The following CLEC3B variants were observed in gnomAD, a reference collection of about 807,000 sequenced individuals.
CLEC3B encodes tetranectin.
A neutral mutation model predicts 15.4 loss-of-function variants in CLEC3B; 13 were observed. The ratio of observed to expected loss-of-function variants is 0.84; its 90% CI spans 0.55 to 1.34. The LOEUF is 1.34. CLEC3B is among the 40% of genes most tolerant of loss of function. CLEC3B has a pLI of 0.00. For missense variants in CLEC3B, 242 were observed against 268.6 expected (o/e 0.90, Z 0.69); for synonymous variants, 112 against 114.7 (o/e 0.98, Z 0.15).
At chr3:45,034,627 A>G (rs1697612036) in intron 2 of CLEC3B, 1 of 152,254 alleles carries the variant, frequency 6.6e-6, no homozygotes, top group African/African-American at 2.4e-5. Context: ...CTGAAAATGC[A>G]AACTGCAAAA....
chr3:45,029,684 G>A (rs1381980659), intron 1 of CLEC3B, among the ~76,000 whole-genome samples: 1 of 152,182 alleles, frequency 6.6e-6, no homozygotes, highest in African/African-American at 2.4e-5. Context: ...CAGCCAAATG[G>A]ACCATTAAAG....
chr3:45,033,522 C>T (rs1276172896), intron 2 of CLEC3B, among the ~76,000 whole-genome samples: 3 of 152,182 alleles, frequency 2.0e-5, no homozygotes, highest in Non-Finnish European at 4.4e-5. Context: ...CCACCTGGTA[C>T]ATCTCTGCCA....
intron 2 of CLEC3B, among the ~76,000 whole-genome samples, chr3:45,034,013 G>C (rs1256763944): frequency 6.6e-6 from 1 of 152,196 alleles, no homozygotes; most frequent in Non-Finnish European, 1.5e-5. Context: ...CTTCGGCACT[G>C]TCCTGAGTCG....
chr3:45,028,749 C>T (rs1451409181), intron 1 of CLEC3B, among the ~76,000 whole-genome samples: 3 of 151,898 alleles, frequency 2.0e-5, no homozygotes, highest in Admixed American at 6.6e-5. Flanking sequence ...CCCAAAAGTA[C>T]GGGAGAAAGT....
intron 2 of CLEC3B, among the ~76,000 whole-genome samples, chr3:45,034,230 G>A (rs1180065285): frequency 1.3e-5 from 2 of 152,208 alleles, no homozygotes; most frequent in African/African-American, 4.8e-5. Flanking sequence ...TTACCAGCAG[G>A]AAGGAAAGGC....
chr3:45,031,579 A>G (rs1193433254), intron 2 of CLEC3B, among the ~76,000 whole-genome samples: 2 of 152,210 alleles, frequency 1.3e-5, no homozygotes, highest in African/African-American at 4.8e-5. Context: ...CCCAGTGCCA[A>G]GCTGGGCCTT....
chr3:45,030,877 CT>C lies in CLEC3B; in HGVS notation c.161del (p.Leu54ArgfsTer8). ...GGAGCTCAAGAGCCGTCTGGACACC[CT>C]GGCCCAGGAGGTGGCCCTGCTGAAG... ...FEELKSRLDT[L>X]AQEVALLKEQ... On this transcript the variant is annotated frameshift_variant, in exon 2 of 3. Coordinates refer to ENST00000296130, the MANE Select transcript of CLEC3B (RefSeq NM_003278.3). LOFTEE classifies it low-confidence loss of function (END_TRUNC). The C allele has an allele frequency of 6.3e-7, 1 of 1,595,410 alleles. No homozygotes were observed. The highest frequency in any genetic ancestry group is 8.5e-7 in the Non-Finnish European group (1 of 1,170,924).
At chr3:45,030,189 C>G (rs1380026457) in intron 1 of CLEC3B, 1 of 985,780 alleles carries the variant, frequency 1.0e-6, no homozygotes, top group Admixed American at 6.1e-5. Context: ...TCCTTCTGCC[C>G]TCATCTTATT....
intron 2 of CLEC3B, among the ~76,000 whole-genome samples, chr3:45,032,255 C>T (rs1381065010): frequency 1.3e-5 from 2 of 152,144 alleles, no homozygotes; most frequent in African/African-American, 2.4e-5. Context: ...TGGTTTTACA[C>T]ACTCCCTCCC....
At position 45,030,907 on chromosome 3, in the gene CLEC3B, C is replaced by G. The variant is rs1420097107; in HGVS notation, c.190C>G (p.Gln64Glu). ...LAQEVALLKE[Q>E]QALQTVCLKG... ...CCAGGAGGTGGCCCTGCTGAAGGAGCAGCAGGCCCTGCAGACGGGTGAGTG... is the reference window on the plus strand; with the variant it reads ...CCAGGAGGTGGCCCTGCTGAAGGAGGAGCAGGCCCTGCAGACGGGTGAGTG... The change falls in exon 2 of 3, where the codon CAG (glutamine) becomes GAG (glutamate). Residue 64 changes from glutamine (Q) to glutamate (E), a missense_variant. Transcript: ENST00000296130. 3 of 1,581,592 alleles carry G rather than the reference C, an allele frequency of 1.9e-6. No individual in the cohort carries two copies. Among genetic ancestry groups the G allele is most frequent in the Non-Finnish European group, 2.6e-6 (3 of 1,163,516 alleles).
At chr3:45,030,036 G>A in intron 1 of CLEC3B, 1 of 444,416 alleles carries the variant, frequency 2.3e-6, no homozygotes, top group Non-Finnish European at 3.0e-6. Context: ...AGGGCAGCCT[G>A]GGTTTCCTCA....
chr3:45,029,217 C>T (rs189544246), intron 1 of CLEC3B, among the ~76,000 whole-genome samples: 1 of 152,358 alleles, frequency 6.6e-6, no homozygotes, highest in African/African-American at 2.4e-5. Flanking sequence ...CACATATGGG[C>T]ACCTTGGTGC....
At chr3:45,029,656 G>T (rs1271439297) in intron 1 of CLEC3B, among the ~76,000 whole-genome samples, 1 of 152,208 alleles carries the variant, frequency 6.6e-6, no homozygotes, top group Non-Finnish European at 1.5e-5. Context: ...CTTTGTGAGT[G>T]TGGAATGTAT....
chr3:45,035,916 A>G lies in CLEC3B; in HGVS notation c.601A>G (p.Ile201Val). ...GCTGCCCTACATCTGCCAGTTCGGG[A>G]TCGTGTAGCCGGCGGGGCGGGGGCC... is the stretch of plus-strand genomic sequence containing the variant. ...DQLPYICQFG[I>V]V is the part of the protein sequence containing the mutation. Residue 201 changes from isoleucine to valine, a missense_variant, in exon 3 of 3, where the codon ATC becomes GTC. Ile to Val is a conservative substitution (Grantham distance 29, BLOSUM62 3). Transcript: ENST00000296130. 1.3e-6 allele frequency: 2 copies of G among 1,582,020 alleles called. No individual in the cohort carries two copies. Among genetic ancestry groups the G allele is most frequent in the Non-Finnish European group, 1.7e-6 (2 of 1,161,036 alleles).
At chr3:45,033,357 T>C (rs1436991943) in intron 2 of CLEC3B, among the ~76,000 whole-genome samples, 3 of 152,206 alleles carry the variant, frequency 2.0e-5, no homozygotes, top group African/African-American at 7.2e-5. Flanking sequence ...GCTGGGCTTC[T>C]TGGGGCCTTC....
intron 2 of CLEC3B, among the ~76,000 whole-genome samples, chr3:45,033,009 C>T (rs1368258675): frequency 6.6e-6 from 1 of 152,194 alleles, no homozygotes; most frequent in African/African-American, 2.4e-5. Flanking sequence ...TTAAGAACAT[C>T]TGAGAATGCA....
chr3:45,035,304 C>G (rs1559760575), intron 2 of CLEC3B, among the ~76,000 whole-genome samples: 1 of 152,160 alleles, frequency 6.6e-6, no homozygotes, highest in Non-Finnish European at 1.5e-5. Context: ...GCACCAAGAC[C>G]TCCTGAGTGG....
intron 2 of CLEC3B, among the ~76,000 whole-genome samples, 164 bp downstream of exon 2, chr3:45,031,089 C>A (rs1016314052): frequency 6.6e-6 from 1 of 152,252 alleles, no homozygotes; most frequent in Admixed American, 6.5e-5. Context: ...ACCTCTTTCT[C>A]TTGGGGAGAT....
chr3:45,035,517 C>A lies in CLEC3B; in HGVS notation c.209-7C>A, dbSNP rs538756381. On this transcript the variant is annotated splice_region_variant and splice_polypyrimidine_tract_variant and intron_variant, in intron 2 of 2. Transcript: ENST00000296130. The stretch of plus-strand genomic sequence containing the variant: ...CTTCGGTGACAGCCATTTCTCCCCA[C>A]TCCCAGTCTGCCTGAAGGGGACCAA... 2 of 1,583,400 alleles carry A rather than the reference C, an allele frequency of 1.3e-6. No individual in the cohort carries two copies. The highest frequency in any genetic ancestry group is 8.6e-7 in the Non-Finnish European group (1 of 1,160,648).
Sources: allele counts gnomAD v4.1 joint callset (sites outside exome capture counted in the v4.1 genomes callset), GRCh38; gene constraint gnomAD v4.1.1; transcripts MANE v1.5; gene names NCBI Gene and HGNC (gene_info 2026-07-23, HGNC 2026-07-21).